Variants in FAM131C observed in about 807,000 individuals in gnomAD.
FAM131C encodes protein FAM131C.
FAM131C carries 14 observed loss-of-function variants against 29.8 expected under a neutral mutation model. That is an observed-to-expected ratio of 0.47 (90% CI 0.31 to 0.73). The LOEUF (loss-of-function observed/expected upper bound fraction) is 0.73. Among genes scored for constraint, FAM131C ranks in the 30% least tolerant of loss-of-function variants. The pLI is 0.05. For missense variants in FAM131C, 252 were observed against 383.8 expected (o/e 0.66, Z 2.87); for synonymous variants, 86 against 157.8 (o/e 0.54, Z 3.41).
In FAM131C at chr1:16,062,113, G is replaced by A. The variant is rs771193836; in HGVS notation, c.254C>T (p.Thr85Ile). The A allele has an allele frequency of 1.9e-6, 3 of 1,611,870 alleles. No individual in the cohort carries two copies. The highest frequency in any genetic ancestry group is 1.7e-6 in the Non-Finnish European group (2 of 1,179,588). The change falls in exon 4 of 7, where the codon ACC becomes ATC. Residue 85 changes from threonine (T) to isoleucine (I), a missense_variant. Thr to Ile is a moderately conservative substitution (Grantham distance 89). Transcript: ENST00000375662. Reference protein sequence around the residue: ...PGNYNVAALATSSLVGVVQSI... With the variant: ...PGNYNVAALAISSLVGVVQSI... ...CCAGAACCTACCCACAAGGGACGAG[G>A]TGGCCAGGGCTGCCACGTTGTAGTT... is the stretch of plus-strand genomic sequence containing the variant.
intron 1 of FAM131C, among the ~76,000 whole-genome samples, chr1:16,065,823 G>T (rs772839322): frequency 2.6e-5 from 4 of 152,116 alleles, no homozygotes; most frequent in Non-Finnish European, 5.9e-5. Flanking sequence ...CCTCATATCA[G>T]TTGTACCCAA....
In FAM131C at chr1:16,059,674, T is replaced by C. The variant is rs1570352104; in HGVS notation, c.452-70A>G. 5.7e-6 allele frequency: 7 copies of C among 1,225,702 alleles called. No homozygotes were observed. The East Asian group carries it at 2.3e-4, about 40-fold the overall frequency. The allele number at this position is 1,225,702 out of a possible 1,614,324, so 75.9% of individuals were successfully genotyped here. ...CGGCCTCAGTGCCTGATGGAGCTGC[T>C]CCAGGACAGGCGGGAGGGTGGCCAC... is the stretch of plus-strand genomic sequence containing the variant. On this transcript the variant is annotated intron_variant, in intron 5 of 6. Coordinates refer to ENST00000375662, the MANE Select transcript of FAM131C (RefSeq NM_182623.3).
intron 1 of FAM131C, among the ~76,000 whole-genome samples, chr1:16,068,060 C>G (rs1173168061): frequency 6.6e-6 from 1 of 152,232 alleles, no homozygotes; most frequent in African/African-American, 2.4e-5. Flanking sequence ...TCATGCTCCT[C>G]CCCGGCCAGC....
chr1:16,068,568 C>A (rs1422078337), intron 1 of FAM131C, among the ~76,000 whole-genome samples: 7 of 152,250 alleles, frequency 4.6e-5, no homozygotes, highest in Admixed American at 2.0e-4. Context: ...GGGGAGCAGG[C>A]CACAGAGCTT....
At chr1:16,063,004 C>T (rs1278902778) in intron 2 of FAM131C, among the ~76,000 whole-genome samples, 4 of 151,996 alleles carry the variant, frequency 2.6e-5, no homozygotes, top group African/African-American at 9.7e-5. Flanking sequence ...TGCCACAGAC[C>T]CTGGAGCAAG....
intron 1 of FAM131C, among the ~76,000 whole-genome samples, chr1:16,065,195 T>C (rs1436477927): frequency 6.7e-6 from 1 of 150,004 alleles, no homozygotes; most frequent in Non-Finnish European, 1.5e-5. Flanking sequence ...GATTCCCAAT[T>C]CCAGGTCCAC....
intron 1 of FAM131C, among the ~76,000 whole-genome samples, chr1:16,064,442 G>A (rs1461960332): frequency 6.6e-6 from 1 of 152,052 alleles, no homozygotes; most frequent in African/African-American, 2.4e-5. Context: ...ATCCACCCAG[G>A]GCTGGGTCCT....
At chr1:16,062,698 T>C (rs1375899756) in intron 2 of FAM131C, among the ~76,000 whole-genome samples, 164 bp from the exon 3 acceptor site, 6 of 152,210 alleles carry the variant, frequency 3.9e-5, no homozygotes, top group Non-Finnish European at 8.8e-5. Flanking sequence ...TCCCCCGGCA[T>C]GCAGAGGAAG....
intron 1 of FAM131C, among the ~76,000 whole-genome samples, chr1:16,066,582 T>A (rs534472510): frequency 5.3e-5 from 8 of 152,324 alleles, no homozygotes; most frequent in Middle Eastern, 3.4e-3. Flanking sequence ...TTTCAGTGGG[T>A]CATGCAGCCG....
At chr1:16,061,187 T>C (rs1015595271) in intron 4 of FAM131C, among the ~76,000 whole-genome samples, 10 of 151,830 alleles carry the variant, frequency 6.6e-5, no homozygotes, top group Non-Finnish European at 4.4e-5. Flanking sequence ...AAGGGGAGAC[T>C]CTCCCTCCCA....
chr1:16,062,043 G>A (rs1449037436), intron 4 of FAM131C, 56 bp downstream of exon 4: 1 of 1,566,462 alleles, frequency 6.4e-7, no homozygotes, highest in Non-Finnish European at 8.7e-7. Context: ...CACAGCCAGG[G>A]TCTAGGGTGG....
At chr1:16,062,379 GGC>G (rs1491095317) in intron 3 of FAM131C, 118 bp downstream of exon 3, 78 of 1,179,678 alleles carry the variant, frequency 6.6e-5, no homozygotes, top group East Asian at 3.3e-4. Flanking sequence ...TGTTTCATCA[GGC>G]CCCCCCCCCC....
chr1:16,066,355 C>T (rs1362483346), intron 1 of FAM131C, among the ~76,000 whole-genome samples: 1 of 152,208 alleles, frequency 6.6e-6, no homozygotes, highest in Non-Finnish European at 1.5e-5. Context: ...CCCAGGCAGG[C>T]CTAAGGAGGT....
chr1:16,061,990 T>C (rs7529103), intron 4 of FAM131C, 109 bp downstream of exon 4: 397,673 of 897,152 alleles, frequency 0.44, 71,685 homozygotes, highest in East Asian at 0.84. Context: ...GAGAATCCAA[T>C]AGGGCTGCCA....
Position 16,063,550 on chromosome 1 carries a change from T to A in FAM131C, c.109A>T (p.Thr37Ser). The A allele has an allele frequency of 1.2e-6, 2 of 1,613,828 alleles. No homozygotes were observed. Among genetic ancestry groups the A allele is most frequent in the South Asian group, 2.2e-5 (2 of 91,064 alleles). ...CCAATGACACAGTCTGGAGCCACGG[T>A]GGGAGTGCGGCCCGAGGGCAGATCT... ...NPDLPSGRTPTVAPDCVIGKD... is the reference protein window; with the variant it reads ...NPDLPSGRTPSVAPDCVIGKD... The change falls in exon 2 of 7, where the codon ACC becomes TCC. Residue 37 changes from threonine (T) to serine (S), a missense_variant. This residue lies in a region of FAM131C where 76 missense variants were observed against 62.8 expected (regional missense o/e 1.21). Coordinates refer to ENST00000375662, the MANE Select transcript of FAM131C (RefSeq NM_182623.3).
intron 1 of FAM131C, among the ~76,000 whole-genome samples, chr1:16,071,898 A>G (rs546655383): frequency 1.3e-5 from 2 of 152,300 alleles, no homozygotes; most frequent in Admixed American, 6.5e-5. Context: ...TGGGACCCCA[A>G]GGTGCCTGAT....
At chr1:16,060,362 G>C (rs1347922739) in intron 4 of FAM131C, among the ~76,000 whole-genome samples, 1 of 131,006 alleles carries the variant, frequency 7.6e-6, no homozygotes, top group Non-Finnish European at 1.7e-5. Context: ...CCCACTGGAT[G>C]CTTCTTCCCC....
chr1:16,058,501 G>A lies in FAM131C; in HGVS notation c.779C>T (p.Pro260Leu), dbSNP rs61745016. Reference protein sequence around the residue: ...AQGPEGGTHPPGSLPSMDSGS... With the variant: ...AQGPEGGTHPLGSLPSMDSGS... ...GCTGTCCATGGAGGGGAGGGAGCCC[G>A]GGGGGTGGGTCCCACCCTCGGGTCC... Residue 260 changes from proline to leucine, a missense_variant, in exon 7 of 7, where the codon CCG (proline) becomes CTG (leucine). Physicochemically the swap from Pro to Leu is moderately conservative, Grantham distance 98 (BLOSUM62 -3). Coordinates refer to ENST00000375662, the MANE Select transcript of FAM131C (RefSeq NM_182623.3). 53 of 1,508,674 alleles carry A rather than the reference G, an allele frequency of 3.5e-5. No individual in the cohort carries two copies. The highest frequency in any genetic ancestry group is 1.3e-4 in the South Asian group (10 of 76,616). 93.5% of individuals were successfully genotyped at this position (1,508,674 alleles called of 1,614,324 possible).
chr1:16,063,624 C>T lies in FAM131C; in HGVS notation c.35G>A (p.Ser12Asn), dbSNP rs763223119. The T allele has an allele frequency of 1.9e-6, 3 of 1,609,828 alleles. No homozygotes were observed. Among genetic ancestry groups the T allele is most frequent in the South Asian group, 1.1e-5 (1 of 90,724 alleles). Reference protein sequence around the residue: ...GSCVSRDLFTSAHKNCPMPQG... With the variant: ...GSCVSRDLFTNAHKNCPMPQG... ...GGGCATGGGGCAGTTCTTGTGGGCA[C>T]TTGTGAACAGGTCTGGAAATAAGAG... The change falls in exon 2 of 7, where the codon AGT (serine) becomes AAT (asparagine). Residue 12 changes from serine to asparagine, a missense_variant. Ser to Asn is a conservative substitution (Grantham distance 46, BLOSUM62 1). Transcript: ENST00000375662.
Sources: gnomAD v4.1 joint callset for allele counts (sites outside exome capture counted in the v4.1 genomes callset) on GRCh38, gnomAD v4.1.1 for gene constraint, gnomAD v4.1.1 regional missense constraint, MANE v1.5 for transcripts, NCBI Gene and HGNC (gene_info 2026-07-23, HGNC 2026-07-21) for gene names.